The following DACH1 variants were observed in gnomAD, a reference collection of about 807,000 sequenced individuals.
DACH1 encodes dachshund homolog 1.
In DACH1, 12 loss-of-function variants were observed where a neutral mutation model predicts 54.2. The observed-to-expected ratio is 0.22, with a 90% confidence interval of 0.14 to 0.36. The LOEUF (loss-of-function observed/expected upper bound fraction) is 0.36. Ranked by LOEUF, DACH1 falls within the 10% of genes least tolerant of loss-of-function variation. The pLI, the probability that DACH1 is intolerant of heterozygous loss-of-function variation, is 1.00. For synonymous variants in DACH1, 386 were observed against 366.2 expected (o/e 1.05, Z -0.62); for missense variants, 805 against 929.8 (o/e 0.87, Z 1.75).
At chr13:71,652,992 G>A (rs559475945) in intron 2 of DACH1, among the ~76,000 whole-genome samples, 65 of 152,198 alleles carry the variant, frequency 4.3e-4, no homozygotes, top group Non-Finnish European at 7.1e-4. Flanking sequence ...CTCCCAACTC[G>A]AGATAAATGA....
intron 3 of DACH1, among the ~76,000 whole-genome samples, chr13:71,588,100 T>C (rs1228631451): frequency 6.6e-6 from 1 of 152,112 alleles, no homozygotes; most frequent in Non-Finnish European, 1.5e-5. Context: ...ATATTTACAG[T>C]TTGAGAGAAG....
chr13:71,487,979 TA>T (rs1878675834), intron 7 of DACH1, among the ~76,000 whole-genome samples: 1 of 152,162 alleles, frequency 6.6e-6, no homozygotes, highest in Admixed American at 6.5e-5. Context: ...TATAAAACCT[TA>T]AAGTTGAATA....
chr13:71,780,954 C>A (rs566444587), intron 1 of DACH1, among the ~76,000 whole-genome samples: 3 of 151,994 alleles, frequency 2.0e-5, no homozygotes, highest in Non-Finnish European at 4.4e-5. Context: ...GGCAACATAG[C>A]GAGACCTTAT....
At chr13:71,488,074 T>C (rs768774465) in intron 7 of DACH1, among the ~76,000 whole-genome samples, 4 of 152,150 alleles carry the variant, frequency 2.6e-5, no homozygotes, top group Non-Finnish European at 4.4e-5. Flanking sequence ...AGGCCTTCTG[T>C]TATGTCCTTG....
chr13:71,829,108 C>T (rs1315898473), intron 1 of DACH1, among the ~76,000 whole-genome samples: 2 of 151,790 alleles, frequency 1.3e-5, no homozygotes, highest in Non-Finnish European at 2.9e-5. Flanking sequence ...TTAAATTGTA[C>T]CTTTTAAATA....
At position 71,446,996 on chromosome 13, in the gene DACH1, C is replaced by T. The variant is rs1305704101; in HGVS notation, c.2084-6304G>A. On this transcript the variant is annotated intron_variant, in intron 10 of 10. Transcript: ENST00000613252. ...AAAGCATTTGGGAGTAGGGATTGAG[C>T]GAAACTATTTAAATTACAAATTCCT... 2.0e-5 allele frequency among the ~76,000 whole-genome samples: 3 copies of T among 152,044 alleles called. 1 individual carries two copies. Among genetic ancestry groups the T allele is most frequent in the South Asian group, 4.2e-4 (2 of 4,812 alleles).
chr13:71,809,969 G>T (rs1249265342), intron 1 of DACH1, among the ~76,000 whole-genome samples: 1 of 152,136 alleles, frequency 6.6e-6, no homozygotes, highest in Non-Finnish European at 1.5e-5. Context: ...TATTCTGGAA[G>T]GCCATAGTAG....
chr13:71,633,117 A>G (rs1366273556), intron 2 of DACH1, among the ~76,000 whole-genome samples: 1 of 152,206 alleles, frequency 6.6e-6, no homozygotes, highest in Non-Finnish European at 1.5e-5. Context: ...CAGTATTCAA[A>G]TAATAAAGGT....
intron 1 of DACH1, among the ~76,000 whole-genome samples, chr13:71,748,585 C>G (rs1352781336): frequency 6.6e-6 from 1 of 152,154 alleles, no homozygotes; most frequent in Non-Finnish European, 1.5e-5. Context: ...GAATAAAGGT[C>G]AACAGGTCCC....
intron 1 of DACH1, among the ~76,000 whole-genome samples, chr13:71,752,490 C>T (rs1884972439): frequency 6.9e-6 from 1 of 145,732 alleles, no homozygotes; most frequent in South Asian, 2.1e-4. Context: ...CTCTTCCTTT[C>T]TCTCTCTCTC....
At chr13:71,587,603 A>ATT (rs533292417) in intron 3 of DACH1, among the ~76,000 whole-genome samples, 180 of 152,040 alleles carry the variant, frequency 1.2e-3, no homozygotes, top group African/African-American at 4.1e-3. Flanking sequence ...ATTTTCTGTG[A>ATT]TTTTTTATGA....
At chr13:71,514,838 C>T (rs190061846) in intron 6 of DACH1, among the ~76,000 whole-genome samples, 1 of 151,792 alleles carries the variant, frequency 6.6e-6, no homozygotes, top group Non-Finnish European at 1.5e-5. Context: ...TTTTGTTAGA[C>T]CTTAGAATTC....
intron 1 of DACH1, among the ~76,000 whole-genome samples, chr13:71,718,843 G>T (rs990979898): frequency 1.1e-4 from 17 of 152,072 alleles, no homozygotes; most frequent in Non-Finnish European, 2.4e-4. Flanking sequence ...TTAATTAGGT[G>T]CATATTTCCT....
At chr13:71,627,483 C>T (rs1876736953) in intron 3 of DACH1, among the ~76,000 whole-genome samples, 2 of 151,960 alleles carry the variant, frequency 1.3e-5, no homozygotes, top group Admixed American at 1.3e-4. Context: ...AAGTAGCACC[C>T]CTCTGAAGGG....
chr13:71,475,152 C>G lies in DACH1; in HGVS notation c.2072G>C (p.Arg691Thr). The G allele has an allele frequency of 1.2e-6, 2 of 1,613,858 alleles. No individual in the cohort carries two copies. Among genetic ancestry groups the G allele is most frequent in the South Asian group, 2.2e-5 (2 of 91,070 alleles). The change falls in exon 10 of 11, where the codon AGG becomes ACG. Residue 691 changes from arginine (R) to threonine (T), a missense_variant. Coordinates refer to ENST00000613252, the MANE Select transcript of DACH1 (RefSeq NM_080759.6). The stretch of plus-strand genomic sequence containing the variant: ...CTGCAAATTCCTACCTTGTATTGTC[C>G]TTTCAGCATCTGTTCTGCCGCCACT... ...DRSGGRTDAE[R>T]TIQDGRLYLK... is the part of the protein sequence containing the mutation.
chr13:71,468,926 T>C (rs1269917207), intron 10 of DACH1, among the ~76,000 whole-genome samples: 1 of 152,210 alleles, frequency 6.6e-6, no homozygotes, highest in Non-Finnish European at 1.5e-5. Context: ...GAAACATTTT[T>C]TCAATTGTAT....
At chr13:71,572,759 A>T (rs888144856) in intron 4 of DACH1, 81 bp downstream of exon 4, 2 of 1,423,508 alleles carry the variant, frequency 1.4e-6, no homozygotes, top group African/African-American at 2.9e-5. Flanking sequence ...GTTCAGATGT[A>T]CTTATGGAAT....
At chr13:71,718,217 C>G (rs1264833817) in intron 1 of DACH1, among the ~76,000 whole-genome samples, 1 of 152,010 alleles carries the variant, frequency 6.6e-6, no homozygotes, top group Non-Finnish European at 1.5e-5. Context: ...AAATTCATTC[C>G]TTTCACTTAT....
At chr13:71,542,939 G>T (rs922549347) in intron 6 of DACH1, among the ~76,000 whole-genome samples, 2 of 152,102 alleles carry the variant, frequency 1.3e-5, no homozygotes, top group African/African-American at 4.8e-5. Flanking sequence ...ATTATTCCAA[G>T]TCTATGAAAG....
Sources: gnomAD v4.1 joint callset for allele counts (sites outside exome capture counted in the v4.1 genomes callset) on GRCh38, gnomAD v4.1.1 for gene constraint, MANE v1.5 for transcripts, NCBI Gene and HGNC (gene_info 2026-07-23, HGNC 2026-07-21) for gene names.